The following HBS1L variants were observed in gnomAD, a reference collection of about 807,000 sequenced individuals.
HBS1L encodes HBS1 like translational GTPase.
Under a neutral mutation model 88.9 loss-of-function variants are expected in HBS1L, and 55 were observed. That is an observed-to-expected ratio of 0.62 (90% confidence interval 0.50 to 0.77). The LOEUF is 0.77. Ranked by LOEUF, HBS1L falls within the 30% of genes least tolerant of loss-of-function variation. The pLI is 0.00. For synonymous variants in HBS1L, 267 were observed against 288.5 expected (o/e 0.93, Z 0.76); for missense variants, 741 against 829.3 (o/e 0.89, Z 1.31).
intron 16 of HBS1L, among the ~76,000 whole-genome samples, chr6:134,968,244 C>CT (rs748189369): frequency 9.2e-4 from 134 of 146,302 alleles, no homozygotes; most frequent in Middle Eastern, 3.5e-3. Flanking sequence ...GGTAAGAAAT[C>CT]TTTTTTTTTT....
intron 4 of HBS1L, among the ~76,000 whole-genome samples, chr6:135,010,080 T>C (rs1775732869): frequency 6.6e-6 from 1 of 152,190 alleles, no homozygotes; most frequent in South Asian, 2.1e-4. Context: ...TATAATTCCT[T>C]ACCTTTTCCA....
In HBS1L at chr6:134,965,071, A is replaced by G; in HGVS notation, c.*208T>C. The G allele has an allele frequency of 1.7e-6, 1 of 577,706 alleles. No individual in the cohort carries two copies. The highest frequency in any genetic ancestry group is 2.1e-5 in the South Asian group (1 of 46,982). 35.8% of individuals were successfully genotyped at this position (577,706 alleles called of 1,614,324 possible). ...CGTTTCAAAGGCAAAGTTGTTTTTA[A>G]CATTAGACTTTCTTTGCCAGTTGGC... is the stretch of plus-strand genomic sequence containing the variant. On this transcript the variant is annotated 3_prime_UTR_variant, in exon 18 of 18. Transcript: ENST00000367837.
intron 4 of HBS1L, among the ~76,000 whole-genome samples, chr6:135,018,369 T>C (rs1775981072): frequency 1.3e-5 from 2 of 152,126 alleles, no homozygotes; most frequent in East Asian, 3.9e-4. Flanking sequence ...ATCAAATCCA[T>C]TATAAAGCAT....
chr6:134,992,166 T>C (rs1475226177), intron 8 of HBS1L, among the ~76,000 whole-genome samples: 1 of 152,252 alleles, frequency 6.6e-6, no homozygotes, highest in Non-Finnish European at 1.5e-5. Flanking sequence ...TAACTCTTCA[T>C]GTTTTCCAGT....
chr6:134,997,069 A>G, intron 6 of HBS1L, 127 bp from the exon 7 acceptor site: 1 of 725,662 alleles, frequency 1.4e-6, no homozygotes, highest in Non-Finnish European at 2.3e-6. Context: ...TTATCAAATG[A>G]CAGTTAAAAC....
intron 17 of HBS1L, among the ~76,000 whole-genome samples, chr6:134,965,802 A>C (rs1324168740): frequency 6.6e-6 from 1 of 152,194 alleles, no homozygotes; most frequent in Non-Finnish European, 1.5e-5. Flanking sequence ...TATTTTACTT[A>C]AATTATGTAT....
chr6:135,025,251 T>A (rs9376082), intron 4 of HBS1L, among the ~76,000 whole-genome samples: 74,086 of 151,996 alleles, frequency 0.49, 18,169 homozygotes, highest in South Asian at 0.57. Context: ...TATGAAGAAC[T>A]TCTTACCAAA....
At chr6:135,051,088 T>C (rs1311909163) in intron 1 of HBS1L, among the ~76,000 whole-genome samples, 3 of 152,016 alleles carry the variant, frequency 2.0e-5, no homozygotes, top group Non-Finnish European at 4.4e-5. Context: ...TAGCTAGACA[T>C]GGTGACGTGC....
rs907390537 is a variant in HBS1L at position 135,050,592 on chromosome 6, C to A, written c.99G>T (p.Ser33=). The change falls in exon 2 of 18, where the codon TCG becomes TCT. Residue 33 remains serine (S), a synonymous_variant. Transcript: ENST00000367837. The part of the protein sequence containing the change: ...GQSVEDDYCI[S]PSTAAQFIYS... ...TTTTTAAAAATTCACCTGTTGACGG[C>A]GAAATACAATAATCATCCTCTACAG... 3 of 1,591,166 alleles carry A rather than the reference C, an allele frequency of 1.9e-6. No individual in the cohort carries two copies. In the African/African-American group the frequency reaches 4.0e-5, roughly 21 times the overall value.
At chr6:135,030,679 T>A (rs115382637) in intron 4 of HBS1L, among the ~76,000 whole-genome samples, 309 of 149,860 alleles carry the variant, frequency 2.1e-3, no homozygotes, top group African/African-American at 7.4e-3. Flanking sequence ...AATAAAATAA[T>A]GAAAACAAAA....
chr6:134,986,968 C>T (rs954940271), intron 9 of HBS1L, among the ~76,000 whole-genome samples, 158 bp from the exon 10 acceptor site: 8 of 152,000 alleles, frequency 5.3e-5, no homozygotes, highest in Non-Finnish European at 8.8e-5. Context: ...ATAATATGAT[C>T]TAAAAGTAAT....
Position 135,043,628 on chromosome 6 carries a change from G to A in HBS1L, c.110-1502C>T, listed in dbSNP as rs1265154714. Among the ~76,000 whole-genome samples, 3 of 152,190 alleles carry A rather than the reference G, an allele frequency of 2.0e-5. No individual in the cohort carries two copies. The East Asian group carries it at 5.8e-4, about 29-fold the overall frequency. ...TAATGACTTATTCTAAAAGCCAAAT[G>A]AGTAATACCAGACAACAAGCACTGC... On this transcript the variant is annotated intron_variant, in intron 2 of 17. Coordinates refer to ENST00000367837, the MANE Select transcript of HBS1L (RefSeq NM_006620.4).
chr6:134,991,242 G>A (rs13197750), intron 8 of HBS1L, among the ~76,000 whole-genome samples: 47,740 of 151,836 alleles, frequency 0.31, 7,895 homozygotes, highest in Non-Finnish European at 0.37. Flanking sequence ...TACAAAACAG[G>A]GTAGCCTTTG....
chr6:135,018,643 G>C (rs1775988818), intron 4 of HBS1L, among the ~76,000 whole-genome samples: 1 of 151,808 alleles, frequency 6.6e-6, no homozygotes, highest in Non-Finnish European at 1.5e-5. Context: ...CCTTTAAAAA[G>C]GAGATTTATA....
chr6:135,033,518 G>A (rs1008517199), intron 4 of HBS1L, among the ~76,000 whole-genome samples: 2 of 152,156 alleles, frequency 1.3e-5, no homozygotes. Context: ...ATGCCTGACA[G>A]ACCAGCAGCC....
rs2114734343 is a variant in HBS1L at position 134,964,374 on chromosome 6, G to T, written c.*905C>A. On this transcript the variant is annotated 3_prime_UTR_variant, in exon 18 of 18. Coordinates refer to ENST00000367837, the MANE Select transcript of HBS1L (RefSeq NM_006620.4). ...ACATGACTCTTACTTACTCACAGGG[G>T]ACTTATAATCTATAAGGTAAGCAAG... 6.6e-6 allele frequency: 1 copy of T among 152,128 alleles called. No individual in the cohort carries two copies. Among genetic ancestry groups the T allele is most frequent in the African/African-American group, 2.4e-5 (1 of 41,476 alleles). The allele number at this position is 152,128 out of a possible 1,614,324, so 9.4% of individuals were successfully genotyped here.
In HBS1L at chr6:135,027,212, A is replaced by AG. The variant is rs1289868065; in HGVS notation, c.430+12360_430+12361insC. ...CAAAAAAAAAAAAAAAAAAAAAAAA[A>AG]AAAAGAAAAGAAAAAATAGCTAACA... On this transcript the variant is annotated intron_variant, in intron 4 of 17. Coordinates refer to ENST00000367837, the MANE Select transcript of HBS1L (RefSeq NM_006620.4). 8.5e-5 allele frequency: 11 copies of AG among 128,942 alleles called. No homozygotes were observed. In the East Asian group the frequency reaches 2.2e-3, roughly 26 times the overall value. 8.0% of individuals were successfully genotyped at this position (128,942 alleles called of 1,614,324 possible). A position where few individuals can be genotyped will look rare whatever the true frequency, so the allele number is the denominator to read the frequency against.
At chr6:135,017,657 G>A in intron 4 of HBS1L, among the ~76,000 whole-genome samples, 1 of 151,892 alleles carries the variant, frequency 6.6e-6, no homozygotes, top group Admixed American at 6.5e-5. Context: ...ATACAGAAAT[G>A]TATGTATAAT....
At chr6:135,041,717 A>G (rs542919717) in intron 3 of HBS1L, among the ~76,000 whole-genome samples, 8 of 152,320 alleles carry the variant, frequency 5.3e-5, no homozygotes, top group African/African-American at 1.7e-4. Context: ...AGTTCTTCTT[A>G]ACGAATCACT....
Sources: gnomAD v4.1 joint callset for allele counts (sites outside exome capture counted in the v4.1 genomes callset) on GRCh38, gnomAD v4.1.1 for gene constraint, MANE v1.5 for transcripts, NCBI Gene and HGNC (gene_info 2026-07-23, HGNC 2026-07-21) for gene names.